Variants in RBM25 observed in about 807,000 individuals in gnomAD.
RBM25 encodes RNA binding motif protein 25.
A neutral mutation model predicts 120.7 loss-of-function variants in RBM25; 19 were observed. The ratio of observed to expected loss-of-function variants is 0.16; its 90% CI spans 0.11 to 0.23. The LOEUF (loss-of-function observed/expected upper bound fraction) is 0.23, where lower values mean the gene tolerates loss of function less well. Among genes scored for constraint, RBM25 ranks in the 10% least tolerant of loss-of-function variants. RBM25 has a pLI of 1.00. For synonymous variants in RBM25, 390 were observed against 326.7 expected, an observed-to-expected ratio of 1.19 and a Z score of -2.09; for missense variants, 605 against 1,041.5, an observed-to-expected ratio of 0.58 and a Z score of 5.77.
Position 73,098,223 on chromosome 14 carries a change from A to G in RBM25, c.729+1123A>G, listed in dbSNP as rs935402601. On this transcript the variant is annotated intron_variant, in intron 7 of 18. Coordinates refer to ENST00000261973, the MANE Select transcript of RBM25 (RefSeq NM_021239.3). ...CGGCTCACTGCAGCCTTGAATACCC[A>G]TCCTAAAGTGATCCTCATGTGTTAG... is the stretch of plus-strand genomic sequence containing the variant. Among the ~76,000 whole-genome samples the G allele has an allele frequency of 8.7e-4, 132 of 152,310 alleles. 1 individual carries two copies. The highest frequency in any genetic ancestry group is 1.2e-4 in the Non-Finnish European group (8 of 68,028).
At chr14:73,095,462 C>T (rs1028978005) in intron 6 of RBM25, among the ~76,000 whole-genome samples, 16 of 151,524 alleles carry the variant, frequency 1.1e-4, no homozygotes, top group African/African-American at 3.9e-4. Context: ...AAAAATTAGT[C>T]GGGTGTGGTG....
intron 5 of RBM25, among the ~76,000 whole-genome samples, chr14:73,087,359 C>G (rs1895710108): frequency 6.7e-6 from 1 of 149,914 alleles, no homozygotes; most frequent in Non-Finnish European, 1.5e-5. Flanking sequence ...GTTTGGAAGT[C>G]TAGATAGGGT....
chr14:73,074,415 A>G (rs1376557825), intron 2 of RBM25, among the ~76,000 whole-genome samples: 18 of 151,946 alleles, frequency 1.2e-4, no homozygotes, highest in Non-Finnish European at 2.5e-4. Context: ...CCTTACCATA[A>G]CCATGATGCA....
chr14:73,088,265 T>C, intron 6 of RBM25, 104 bp downstream of exon 6: 2 of 1,397,274 alleles, frequency 1.4e-6, no homozygotes, highest in Admixed American at 1.7e-5. Flanking sequence ...AAGATCATCA[T>C]GTATGTGCTT....
At chr14:73,062,268 T>C (rs1895022081) in intron 1 of RBM25, among the ~76,000 whole-genome samples, 1 of 151,616 alleles carries the variant, frequency 6.6e-6, no homozygotes. Context: ...AAAAGTAGTT[T>C]TTCTGTTAAG....
chr14:73,082,648 T>G (rs1895589733), intron 4 of RBM25, among the ~76,000 whole-genome samples: 1 of 152,194 alleles, frequency 6.6e-6, no homozygotes, highest in Non-Finnish European at 1.5e-5. Context: ...TCCTTCACAT[T>G]TTGGAATATT....
At chr14:73,103,901 GTCTGTCTCTCTCTCTCTCTC>G (rs1221855349) in intron 10 of RBM25, among the ~76,000 whole-genome samples, 5 of 71,632 alleles carry the variant, frequency 7.0e-5, no homozygotes, top group African/African-American at 1.9e-4. Flanking sequence ...CTGTCTGTCT[GTCTGTCTCTCTCTCTCTCTC>G]TCTCTCTCTC....
At chr14:73,092,253 G>T (rs1895834437) in intron 6 of RBM25, among the ~76,000 whole-genome samples, 1 of 150,242 alleles carries the variant, frequency 6.7e-6, no homozygotes, top group Admixed American at 6.7e-5. Context: ...GAGATTGGAG[G>T]GAGGGAGCAG....
chr14:73,104,146 C>T (rs1566597686), intron 10 of RBM25, among the ~76,000 whole-genome samples: 1 of 151,968 alleles, frequency 6.6e-6, no homozygotes, highest in Non-Finnish European at 1.5e-5. Context: ...GGTCCGTGGG[C>T]ATTTTTAAAG....
At chr14:73,099,539 T>C (rs1214226820) in intron 8 of RBM25, 106 bp downstream of exon 8, 2 of 1,584,806 alleles carry the variant, frequency 1.3e-6, no homozygotes, top group Non-Finnish European at 1.7e-6. Context: ...GATTGTTAGA[T>C]TTGTTATTGT....
chr14:73,076,608 T>C (rs967971145), intron 3 of RBM25, among the ~76,000 whole-genome samples: 6 of 152,200 alleles, frequency 3.9e-5, no homozygotes, highest in South Asian at 2.1e-4. Context: ...TTCCTGTTAC[T>C]ATCTAGACTC....
At chr14:73,070,655 A>G (rs1231508872) in intron 1 of RBM25, among the ~76,000 whole-genome samples, 3 of 152,126 alleles carry the variant, frequency 2.0e-5, no homozygotes, top group East Asian at 1.9e-4. Context: ...TCTGATAGAT[A>G]TAAGAAAAAT....
At chr14:73,118,775 T>TTA (rs151033318) in intron 18 of RBM25, among the ~76,000 whole-genome samples, 2,438 of 152,218 alleles carry the variant, frequency 0.016, 47 homozygotes, top group East Asian at 0.048. Context: ...TACTATTTAT[T>TTA]TATTTATTTA....
chr14:73,114,178 G>T, intron 17 of RBM25, 108 bp from the exon 18 acceptor site: 1 of 768,404 alleles, frequency 1.3e-6, no homozygotes, highest in Non-Finnish European at 2.1e-6. Context: ...TGGTTCCTTA[G>T]CCGCAAGAAG....
intron 7 of RBM25, 96 bp downstream of exon 7, chr14:73,097,196 C>CT (rs11390922): frequency 0.044 from 6,098 of 139,224 alleles, 24 homozygotes; most frequent in Non-Finnish European, 0.051. Flanking sequence ...TTTTTCTTTT[C>CT]TTTTTTTTTT....
At chr14:73,077,608 G>T (rs960223022) in intron 4 of RBM25, 72 bp downstream of exon 4, 2 of 1,327,894 alleles carry the variant, frequency 1.5e-6, no homozygotes, top group Admixed American at 2.8e-5. Context: ...GCAGAAAGAA[G>T]ACTTTCAGTG....
intron 1 of RBM25, chr14:73,068,387 A>ATTTTTTTTTTTTTT (rs34314453): frequency 2.3e-5 from 11 of 476,988 alleles, no homozygotes; most frequent in African/African-American, 6.8e-5. Context: ...CTTGTATTTG[A>ATTTTTTTTTTTTTT]TTTTTTTTTT....
rs1004873413 is a variant in RBM25 at position 73,093,948 on chromosome 14, G to GTTTTTTT, written c.544-2955_544-2949dup. The stretch of plus-strand genomic sequence containing the variant: ...TGATCATCTACCATGATCAGGTTTT[G>GTTTTTTT]TTTTTTTTTTTTTTTTTTCTTGAGA... On this transcript the variant is annotated intron_variant, in intron 6 of 18. Transcript: ENST00000261973. Among the ~76,000 whole-genome samples, 139 of 122,150 alleles carry GTTTTTTT rather than the reference G, an allele frequency of 1.1e-3. 1 individual carries two copies. Among genetic ancestry groups the GTTTTTTT allele is most frequent in the African/African-American group, 3.7e-3 (114 of 30,992 alleles). The allele number at this position is 122,150 out of a possible 152,430, so 80.1% of individuals were successfully genotyped here. A position where few individuals can be genotyped will look rare whatever the true frequency, so the allele number is the denominator to read the frequency against.
At chr14:73,110,024 A>G (rs538840256) in intron 14 of RBM25, among the ~76,000 whole-genome samples, 27 of 151,010 alleles carry the variant, frequency 1.8e-4, no homozygotes, top group Non-Finnish European at 3.1e-4. Flanking sequence ...AGCTGGGGTT[A>G]CAGGCACGTG....
Sources: allele counts gnomAD v4.1 joint callset (sites outside exome capture counted in the v4.1 genomes callset), GRCh38; gene constraint gnomAD v4.1.1; transcripts MANE v1.5; gene names NCBI Gene and HGNC (gene_info 2026-07-23, HGNC 2026-07-21).